Variants in ENTREP2 observed in about 807,000 individuals in gnomAD.
ENTREP2 encodes endosomal transmembrane epsin interactor 2.
At chr15:29,404,297 G>T in the ENTREP2 span, among the ~76,000 whole-genome samples, 1 of 152,010 alleles carries the variant, frequency 6.6e-6, no homozygotes, top group Non-Finnish European at 1.5e-5. Context: ...AAACACAGTA[G>T]GGATATGGAC....
At chr15:29,218,297 G>A in the ENTREP2 span, among the ~76,000 whole-genome samples, 1 of 152,266 alleles carries the variant, frequency 6.6e-6, no homozygotes, top group East Asian at 1.9e-4. Flanking sequence ...ACGGTGGGCA[G>A]GGCCCTAGAA....
the ENTREP2 span, chr15:29,269,951 T>A: frequency 4.3e-6 from 2 of 461,546 alleles, no homozygotes; most frequent in Admixed American, 4.4e-5. Flanking sequence ...TGATTTTTAG[T>A]ATAGTGAAGT....
chr15:29,662,211 CAAAAAAAAAAA>C, the ENTREP2 span, among the ~76,000 whole-genome samples: 4 of 46,972 alleles, frequency 8.5e-5, no homozygotes, highest in South Asian at 2.1e-3. Flanking sequence ...AACCCTGTCG[CAAAAAAAAAAA>C]AAAAAAAAAA....
At chr15:29,228,272 T>C in the ENTREP2 span, among the ~76,000 whole-genome samples, 1 of 152,064 alleles carries the variant, frequency 6.6e-6, no homozygotes, top group South Asian at 2.1e-4. Context: ...TGAGCCAAGA[T>C]CACGCCACTG....
the ENTREP2 span, among the ~76,000 whole-genome samples, chr15:29,657,859 T>C: frequency 6.6e-6 from 1 of 152,118 alleles, no homozygotes; most frequent in Admixed American, 6.5e-5. Context: ...CTATAGTGTG[T>C]GTATGTATAT....
At chr15:29,119,153 C>T in the ENTREP2 span, among the ~76,000 whole-genome samples, 36 of 152,316 alleles carry the variant, frequency 2.4e-4, no homozygotes, top group East Asian at 1.9e-3. Flanking sequence ...AGCTTTGTGC[C>T]TCCCTCTTCC....
chr15:29,590,272 C>G, the ENTREP2 span, among the ~76,000 whole-genome samples: 1 of 152,102 alleles, frequency 6.6e-6, no homozygotes, highest in Non-Finnish European at 1.5e-5. Flanking sequence ...TAGATATCGG[C>G]CACTCTGACC....
At chr15:29,270,105 A>AT in the ENTREP2 span, among the ~76,000 whole-genome samples, 1 of 152,196 alleles carries the variant, frequency 6.6e-6, no homozygotes, top group Non-Finnish European at 1.5e-5. Flanking sequence ...AACGGAAAGA[A>AT]TTCAGAGGAT....
At chr15:29,513,729 C>G in the ENTREP2 span, among the ~76,000 whole-genome samples, 4 of 152,216 alleles carry the variant, frequency 2.6e-5, no homozygotes, top group Non-Finnish European at 5.9e-5. Context: ...CATTCCCACC[C>G]AAATGCAAGC....
chr15:29,190,841 G>C, the ENTREP2 span, among the ~76,000 whole-genome samples: 1 of 152,168 alleles, frequency 6.6e-6, no homozygotes, highest in African/African-American at 2.4e-5. Flanking sequence ...CTATGGAAAA[G>C]ATCAATGGAC....
At chr15:29,559,967 T>C in the ENTREP2 span, among the ~76,000 whole-genome samples, 1 of 152,226 alleles carries the variant, frequency 6.6e-6, no homozygotes. Flanking sequence ...TTAGTCCCAA[T>C]ACCTGGTCCA....
At chr15:29,134,101 C>T in the ENTREP2 span, among the ~76,000 whole-genome samples, 2 of 152,264 alleles carry the variant, frequency 1.3e-5, no homozygotes, top group South Asian at 4.1e-4. Flanking sequence ...GTACTGGGCT[C>T]CCCTTGCAGT....
the ENTREP2 span, among the ~76,000 whole-genome samples, chr15:29,556,790 A>T: frequency 8.6e-6 from 1 of 115,758 alleles, no homozygotes; most frequent in Non-Finnish European, 1.7e-5. Flanking sequence ...ATGTGGATTC[A>T]GTTCCCCACC....
the ENTREP2 span, chr15:29,121,561 C>G: frequency 6.6e-6 from 1 of 152,362 alleles, no homozygotes; most frequent in East Asian, 1.9e-4. Flanking sequence ...GGCGGCCATT[C>G]TGAAAATCCA....
the ENTREP2 span, among the ~76,000 whole-genome samples, chr15:29,636,496 A>C: frequency 1.3e-5 from 2 of 152,206 alleles, no homozygotes; most frequent in Non-Finnish European, 2.9e-5. Flanking sequence ...ACAGCTGTGC[A>C]TGAAGAATGA....
At chr15:29,662,013 C>T in the ENTREP2 span, among the ~76,000 whole-genome samples, 1 of 152,076 alleles carries the variant, frequency 6.6e-6, no homozygotes, top group African/African-American at 2.4e-5. Flanking sequence ...GAGTTCGAGA[C>T]TAGCCTGGGC....
At chr15:29,617,463 C>T in the ENTREP2 span, among the ~76,000 whole-genome samples, 1 of 152,308 alleles carries the variant, frequency 6.6e-6, no homozygotes, top group African/African-American at 2.4e-5. Context: ...AACACCCTCA[C>T]ACACACCCAG....
At chr15:29,223,719 G>C in the ENTREP2 span, among the ~76,000 whole-genome samples, 1 of 152,252 alleles carries the variant, frequency 6.6e-6, no homozygotes, top group East Asian at 1.9e-4. Context: ...GGGTGGGGGT[G>C]GAGGGAATGG....
the ENTREP2 span, among the ~76,000 whole-genome samples, chr15:29,632,815 T>G: frequency 1.4e-4 from 22 of 152,330 alleles, no homozygotes; most frequent in African/African-American, 4.8e-4. Flanking sequence ...AGCCCGTGGC[T>G]GGATCCTCCC....
Sources: gnomAD v4.1 joint callset for allele counts (sites outside exome capture counted in the v4.1 genomes callset) on GRCh38, gnomAD v4.1.1 for gene constraint, MANE v1.5 for transcripts, NCBI Gene and HGNC (gene_info 2026-07-23, HGNC 2026-07-21) for gene names.